Variants in SLC38A10 observed in about 807,000 individuals in gnomAD.
SLC38A10 encodes solute carrier family 38 member 10, also known as Sodium-coupled neutral amino acid transporter 10.
In SLC38A10, 53 loss-of-function variants were observed where a neutral mutation model predicts 81.0. That is an observed-to-expected ratio of 0.65 (90% CI 0.53 to 0.82). SLC38A10 has a LOEUF of 0.82. Among genes scored for constraint, SLC38A10 ranks in the 40% least tolerant of loss-of-function variants. The pLI is 0.00. For synonymous variants in SLC38A10, 665 were observed against 655.3 expected, an observed-to-expected ratio of 1.01 and a Z score of -0.23; for missense variants, 1,471 against 1,545.0, an observed-to-expected ratio of 0.95 and a Z score of 0.80.
At position 81,283,617 on chromosome 17, in the gene SLC38A10, C is replaced by CG. The variant is rs2063236327; in HGVS notation, c.264-116_264-115insC. 2.1e-6 allele frequency: 1 copy of CG among 466,968 alleles called. No homozygotes were observed. Among genetic ancestry groups the CG allele is most frequent in the Admixed American group, 3.6e-5 (1 of 27,724 alleles). 28.9% of individuals were successfully genotyped at this position (466,968 alleles called of 1,614,324 possible). On this transcript the variant is annotated intron_variant, in intron 3 of 15. Transcript: ENST00000374759. The surrounding 1 kb of genome is among the most constrained non-coding windows in gnomAD (Gnocchi z 4.7). The stretch of plus-strand genomic sequence containing the variant: ...GAATGACAGATGTGATTTCTTTTTT[C>CG]TTTTTTTTTTTTTTGAAACAGAGTC...
chr17:81,273,658 T>C (rs1431480462), intron 8 of SLC38A10, among the ~76,000 whole-genome samples: 1 of 152,182 alleles, frequency 6.6e-6, no homozygotes, highest in African/African-American at 2.4e-5. Context: ...ATACAGGCCA[T>C]GGAGGTGGGG....
Position 81,253,688 on chromosome 17 carries a change from A to C in SLC38A10, c.1289-448T>G, listed in dbSNP as rs376448897. On this transcript the variant is annotated intron_variant, in intron 11 of 15. Coordinates refer to ENST00000374759, the MANE Select transcript of SLC38A10 (RefSeq NM_001037984.3). The surrounding 1 kb of genome is among the most constrained non-coding windows in gnomAD (Gnocchi z 4.1). ...ACCATCATCTCCATCCCTACCACCA[A>C]CATCACCATCATCACCATCACCATC... Among the ~76,000 whole-genome samples, 17 of 134,240 alleles carry C rather than the reference A, an allele frequency of 1.3e-4. No individual in the cohort carries two copies. Among genetic ancestry groups the C allele is most frequent in the East Asian group, 4.6e-4 (2 of 4,366 alleles). The allele number at this position is 134,240 out of a possible 152,430, so 88.1% of individuals were successfully genotyped here.
intron 10 of SLC38A10, among the ~76,000 whole-genome samples, chr17:81,266,831 C>T (rs1288279518): frequency 6.6e-6 from 1 of 152,124 alleles, no homozygotes; most frequent in Non-Finnish European, 1.5e-5. Context: ...GACGGCAATT[C>T]CCAAGTTAAT....
In SLC38A10 at chr17:81,250,863, C is replaced by T. The variant is rs149950205; in HGVS notation, c.2065+630G>A. The T allele has an allele frequency of 5.8e-4, 602 of 1,045,658 alleles. No homozygotes were observed. The African/African-American group carries it at 9.0e-3, about 16-fold the overall frequency. The allele number at this position is 1,045,658 out of a possible 1,614,324, so 64.8% of individuals were successfully genotyped here. The stretch of plus-strand genomic sequence containing the variant: ...AAGCCAACAGCTGAGACCCAAGGGG[C>T]GAGAAGTTTGGAGGAGGATTCAGAG... On this transcript the variant is annotated intron_variant, in intron 14 of 15. Transcript: ENST00000374759.
chr17:81,251,437 G>A (rs1447371454), intron 14 of SLC38A10, 56 bp downstream of exon 14: 2 of 1,608,614 alleles, frequency 1.2e-6, no homozygotes, highest in South Asian at 1.1e-5. Flanking sequence ...AGGGCTGGGG[G>A]AGGGGGCTGC....
At chr17:81,264,746 C>T (rs1037120151) in intron 10 of SLC38A10, 1 of 152,232 alleles carries the variant, frequency 6.6e-6, no homozygotes, top group Non-Finnish European at 1.5e-5. Context: ...AGCTGGCATC[C>T]AGGCACCACC....
rs2063292671 is a variant in SLC38A10 at position 81,289,418 on chromosome 17, G to A, written c.217+273C>T. Among the ~76,000 whole-genome samples the A allele has an allele frequency of 2.6e-5, 4 of 151,620 alleles. No individual in the cohort carries two copies. ...GACAGGGTCTCGCTCTGTCACCCAG[G>A]CTGGAATACAATGGCGTGATCACAG... On this transcript the variant is annotated intron_variant, in intron 2 of 15. Coordinates refer to ENST00000374759, the MANE Select transcript of SLC38A10 (RefSeq NM_001037984.3). The surrounding 1 kb of genome is among the most constrained non-coding windows in gnomAD (Gnocchi z 5.9).
Position 81,246,625 on chromosome 17 carries a change from G to T in SLC38A10, c.2291C>A (p.Ala764Asp). The T allele has an allele frequency of 6.6e-7, 1 of 1,514,310 alleles. No individual in the cohort carries two copies. Among genetic ancestry groups the T allele is most frequent in the South Asian group, 1.3e-5 (1 of 74,326 alleles). The allele number at this position is 1,514,310 out of a possible 1,614,324, so 93.8% of individuals were successfully genotyped here. ...PGAAVPRGQE[A>D]PEGKARETVE... ...CGTCTCCCTGGCCTTGCCTTCAGGG[G>T]CCTCCTGGCCTCTGGGCACCGCTGC... Residue 764 changes from alanine (A) to aspartate (D), a missense_variant, in exon 16 of 16, where the codon GCC (alanine) becomes GAC (aspartate). Coordinates refer to ENST00000374759, the MANE Select transcript of SLC38A10 (RefSeq NM_001037984.3).
In SLC38A10 at chr17:81,245,458, G is replaced by T; in HGVS notation, c.*98C>A. 7.0e-7 allele frequency: 1 copy of T among 1,424,928 alleles called. No individual in the cohort carries two copies. Among genetic ancestry groups the T allele is most frequent in the South Asian group, 1.4e-5 (1 of 72,848 alleles). 88.3% of individuals were successfully genotyped at this position (1,424,928 alleles called of 1,614,324 possible). Reference sequence around the variant, plus strand: ...CAGACATGAAACCCTGGGGAGAGGCGAGTGTGACCTCCAGAGTTTGGCTGG... The same window carrying T: ...CAGACATGAAACCCTGGGGAGAGGCTAGTGTGACCTCCAGAGTTTGGCTGG... On this transcript the variant is annotated 3_prime_UTR_variant, in exon 16 of 16. Coordinates refer to ENST00000374759, the MANE Select transcript of SLC38A10 (RefSeq NM_001037984.3).
chr17:81,290,266 C>T (rs1226521670), intron 1 of SLC38A10, among the ~76,000 whole-genome samples: 1 of 152,176 alleles, frequency 6.6e-6, no homozygotes, highest in African/African-American at 2.4e-5. Flanking sequence ...TAGGTATTCA[C>T]TTACCAAGAG....
chr17:81,253,477 C>T lies in SLC38A10; in HGVS notation c.1289-237G>A, dbSNP rs2062939306. On this transcript the variant is annotated intron_variant, in intron 11 of 15. Transcript: ENST00000374759. This position sits in a 1 kb window ranked among gnomAD's most constrained non-coding sequence, Gnocchi z 4.1. ...AACTGGGGGCAGGGAGAACTAGACT[C>T]CATGTAATACTCAGTCATTACCACC... 1.3e-5 allele frequency among the ~76,000 whole-genome samples: 2 copies of T among 152,108 alleles called. No individual in the cohort carries two copies. The highest frequency in any genetic ancestry group is 2.9e-5 in the Non-Finnish European group (2 of 68,016).
chr17:81,260,085 T>C (rs1486207604), intron 11 of SLC38A10, among the ~76,000 whole-genome samples, 153 bp downstream of exon 11: 1 of 152,158 alleles, frequency 6.6e-6, no homozygotes, highest in African/African-American at 2.4e-5. Context: ...GCACAGAGCA[T>C]GTTCACAGGG....
chr17:81,251,797 A>C (rs1477893311), intron 13 of SLC38A10, 185 bp from the exon 14 acceptor site: 5 of 635,202 alleles, frequency 7.9e-6, no homozygotes, highest in Admixed American at 3.7e-5. Context: ...AATATTTAAC[A>C]ACCTCATAGG....
chr17:81,250,940 A>G (rs1301532283), intron 14 of SLC38A10: 8 of 1,249,098 alleles, frequency 6.4e-6, no homozygotes, highest in Non-Finnish European at 8.0e-6. Context: ...CTGGAGGGAC[A>G]GGTGACAGAT....
chr17:81,257,090 C>T (rs536548480), intron 11 of SLC38A10, among the ~76,000 whole-genome samples: 20 of 152,220 alleles, frequency 1.3e-4, no homozygotes, highest in African/African-American at 4.8e-4. Flanking sequence ...ACAACGCCAC[C>T]CTGCTGGAGC....
intron 10 of SLC38A10, among the ~76,000 whole-genome samples, chr17:81,267,535 G>A (rs2063080404): frequency 6.6e-6 from 1 of 151,652 alleles, no homozygotes; most frequent in South Asian, 2.1e-4. Flanking sequence ...CAGAACAGAT[G>A]TTTTTTCTAA....
chr17:81,292,487 T>C (rs1411804998), intron 1 of SLC38A10, among the ~76,000 whole-genome samples: 1 of 152,072 alleles, frequency 6.6e-6, no homozygotes, highest in Non-Finnish European at 1.5e-5. Flanking sequence ...TCCAAAGTTT[T>C]TCAATGCCAA....
intron 10 of SLC38A10, among the ~76,000 whole-genome samples, chr17:81,268,040 C>A (rs1166291710): frequency 6.6e-6 from 1 of 151,474 alleles, no homozygotes; most frequent in African/African-American, 2.4e-5. Context: ...GTGCAAAAAT[C>A]TCCCCCAAAG....
In SLC38A10 at chr17:81,283,347, A is replaced by T; in HGVS notation, c.357+62T>A. On this transcript the variant is annotated intron_variant, in intron 4 of 15. Transcript: ENST00000374759. The surrounding 1 kb of genome is among the most constrained non-coding windows in gnomAD (Gnocchi z 4.7). ...AGGTCTCGGTCCTCGGGAGGATCCC[A>T]CAGAGGGCCTCAGAGCAGCCGTCAG... 2.0e-6 allele frequency: 3 copies of T among 1,478,128 alleles called. No homozygotes were observed. The highest frequency in any genetic ancestry group is 2.8e-6 in the Non-Finnish European group (3 of 1,071,774). The allele number at this position is 1,478,128 out of a possible 1,614,324, so 91.6% of individuals were successfully genotyped here.
Sources: gnomAD v4.1 joint callset for allele counts (sites outside exome capture counted in the v4.1 genomes callset) on GRCh38, gnomAD v4.1.1 for gene constraint, Gnocchi (gnomAD v3.1) non-coding constraint, MANE v1.5 for transcripts, NCBI Gene and HGNC (gene_info 2026-07-23, HGNC 2026-07-21) for gene names.